The following ECT2 variants were observed in gnomAD, a reference collection of about 807,000 sequenced individuals.
ECT2 encodes epithelial cell transforming 2.
A neutral mutation model predicts 116.9 loss-of-function variants in ECT2; 61 were observed. The observed-to-expected ratio is 0.52, with a 90% CI of 0.42 to 0.65. ECT2 has a LOEUF of 0.65. Among genes scored for constraint, ECT2 ranks in the 30% least tolerant of loss-of-function variants. ECT2 has a pLI of 0.00. For synonymous variants in ECT2, 358 were observed against 346.4 expected, an observed-to-expected ratio of 1.03 and a Z score of -0.37; for missense variants, 937 against 1,078.7, an observed-to-expected ratio of 0.87 and a Z score of 1.84.
Position 172,764,338 on chromosome 3 carries a change from A to T in ECT2, c.1129A>T (p.Asn377Tyr), listed in dbSNP as rs1214120857. ...SMLSLNTPNS[N>Y]RKRRRLKETL... ...GCTTTCTCTAAATACCCCTAACAGC[A>T]ATCGCAAACGACGTCGTTTAAAAGA... The change falls in exon 12 of 25, where the codon AAT becomes TAT. Residue 377 changes from asparagine to tyrosine, a missense_variant. Physicochemically the swap from Asn to Tyr is moderately radical, Grantham distance 143 (BLOSUM62 -2). Coordinates refer to ENST00000392692, the MANE Select transcript of ECT2 (RefSeq NM_001258315.2). The T allele has an allele frequency of 6.2e-7, 1 of 1,614,156 alleles. No homozygotes were observed. Among genetic ancestry groups the T allele is most frequent in the East Asian group, 2.2e-5 (1 of 44,868 alleles).
rs1419154862 is a variant in ECT2, at chr3:172,755,369, T to C, written c.205T>C (p.Leu69=). ...AGKQEELIKA[L]KTIKIMEVPV... ...AAAACAAGAAGAACTTATAAAAGCC[T>C]TAAAGGTACGGAGTTTTAGGTTTTA... The change falls in exon 3 of 25, where the codon TTA becomes CTA. Residue 69 remains leucine, a synonymous_variant. Coordinates refer to ENST00000392692, the MANE Select transcript of ECT2 (RefSeq NM_001258315.2). The C allele has an allele frequency of 6.2e-7, 1 of 1,602,404 alleles. No individual in the cohort carries two copies. Among genetic ancestry groups the C allele is most frequent in the Non-Finnish European group, 8.5e-7 (1 of 1,177,062 alleles).
chr3:172,761,830 G>A (rs559120816), intron 8 of ECT2, 147 bp downstream of exon 8: 1 of 440,620 alleles, frequency 2.3e-6, no homozygotes, highest in Non-Finnish European at 4.0e-6. Flanking sequence ...GGGAGAACAA[G>A]TTATAAAAAA....
chr3:172,754,149 G>T (rs1000025914), intron 1 of ECT2, among the ~76,000 whole-genome samples: 1 of 152,102 alleles, frequency 6.6e-6, no homozygotes, highest in African/African-American at 2.4e-5. Flanking sequence ...TTTTGTGGGA[G>T]GTGTGTTATG....
intron 21 of ECT2, among the ~76,000 whole-genome samples, chr3:172,806,840 A>G (rs898507143): frequency 4.0e-5 from 6 of 151,616 alleles, no homozygotes; most frequent in Non-Finnish European, 5.9e-5. Context: ...ACGGGGTTTC[A>G]CCATGTTGGC....
At chr3:172,762,110 A>G (rs1718422022) in intron 8 of ECT2, among the ~76,000 whole-genome samples, 1 of 151,898 alleles carries the variant, frequency 6.6e-6, no homozygotes, top group Non-Finnish European at 1.5e-5. Context: ...GAAAGTTATC[A>G]TTATTTTAGA....
chr3:172,801,657 TCTC>T, intron 18 of ECT2, among the ~76,000 whole-genome samples: 2 of 152,316 alleles, frequency 1.3e-5, no homozygotes, highest in East Asian at 3.9e-4. Context: ...ATTTGCTTCT[TCTC>T]TTAGGGATAT....
intron 8 of ECT2, among the ~76,000 whole-genome samples, 192 bp downstream of exon 8, chr3:172,761,875 T>G (rs1379198519): frequency 6.6e-6 from 1 of 152,164 alleles, no homozygotes; most frequent in African/African-American, 2.4e-5. Context: ...ATATCTTTGA[T>G]ATCTTTGGAT....
At chr3:172,824,826 A>G (rs778695232), downstream of ECT2, among the ~76,000 whole-genome samples, 1 of 152,180 alleles carries the variant, frequency 6.6e-6, no homozygotes, top group Non-Finnish European at 1.5e-5. Context: ...TACTACCACA[A>G]TGATGTTGCA....
At chr3:172,753,065 T>C (rs1716238185) in intron 1 of ECT2, among the ~76,000 whole-genome samples, 10 of 152,210 alleles carry the variant, frequency 6.6e-5, no homozygotes, top group Admixed American at 6.5e-4. Flanking sequence ...CTCAGTAAAG[T>C]TGACTTATTG....
rs762081406 is a variant in ECT2 at position 172,762,921 on chromosome 3, A to G, written c.1017A>G (p.Gly339=). 1.4e-5 allele frequency: 23 copies of G among 1,613,702 alleles called. No homozygotes were observed. In the South Asian group the frequency reaches 2.5e-4, roughly 18 times the overall value. The change falls in exon 11 of 25, where the codon GGA becomes GGG. Residue 339 remains glycine (G), a synonymous_variant. Transcript: ENST00000392692. ...TTTCTCTCACCTAGTGGTTCTGGGGAAGCATTCAAATGGATGCCCGAGCTG... is the reference window on the plus strand; with the variant it reads ...TTTCTCTCACCTAGTGGTTCTGGGGGAGCATTCAAATGGATGCCCGAGCTG... The part of the protein sequence containing the change: ...LYVVKQEWFW[G]SIQMDARAGE...
chr3:172,779,107 A>C (rs1460011283), intron 14 of ECT2, among the ~76,000 whole-genome samples: 1 of 152,212 alleles, frequency 6.6e-6, no homozygotes. Flanking sequence ...TCTATGATGT[A>C]GGAATAATTA....
At chr3:172,752,641 T>C (rs1040235929) in intron 1 of ECT2, among the ~76,000 whole-genome samples, 4 of 152,232 alleles carry the variant, frequency 2.6e-5, no homozygotes, top group Non-Finnish European at 5.9e-5. Context: ...GTTACAACTA[T>C]TGGACCGCTC....
intron 1 of ECT2, among the ~76,000 whole-genome samples, chr3:172,753,169 A>T (rs1716268726): frequency 6.6e-6 from 1 of 152,182 alleles, no homozygotes; most frequent in South Asian, 2.1e-4. Context: ...GTGGGATCAC[A>T]GCTCACTACA....
chr3:172,819,057 G>T (rs1282947077), intron 24 of ECT2, among the ~76,000 whole-genome samples: 1 of 151,914 alleles, frequency 6.6e-6, no homozygotes, highest in East Asian at 1.9e-4. Context: ...CATGAGTAGT[G>T]GATTTATATT....
chr3:172,806,065 T>G (rs1727630339), intron 21 of ECT2, 196 bp downstream of exon 21: 1 of 531,944 alleles, frequency 1.9e-6, no homozygotes, highest in Admixed American at 3.2e-5. Flanking sequence ...TTTTCTCAAA[T>G]GAAAGTACTA....
chr3:172,819,811 A>C (rs560814808), intron 24 of ECT2, among the ~76,000 whole-genome samples: 2 of 151,996 alleles, frequency 1.3e-5, no homozygotes, highest in South Asian at 4.1e-4. Flanking sequence ...CCAATTTATA[A>C]TTTTTTCTTT....
chr3:172,815,975 G>A (rs1729631597), intron 23 of ECT2, among the ~76,000 whole-genome samples: 1 of 152,094 alleles, frequency 6.6e-6, no homozygotes, highest in Non-Finnish European at 1.5e-5. Flanking sequence ...TGGTGTTTTA[G>A]ATTTAAATAT....
intron 18 of ECT2, among the ~76,000 whole-genome samples, chr3:172,788,454 C>T (rs1203572401): frequency 6.6e-6 from 1 of 152,178 alleles, no homozygotes; most frequent in South Asian, 2.1e-4. Flanking sequence ...TCACCACAAT[C>T]AAGATGAAGA....
chr3:172,755,229 C>G, intron 2 of ECT2, 66 bp from the exon 3 acceptor site: 2 of 1,245,610 alleles, frequency 1.6e-6, no homozygotes, highest in Non-Finnish European at 2.2e-6. Flanking sequence ...GCCAAAAGAG[C>G]GATAAGGACC....
Sources: allele counts gnomAD v4.1 joint callset (sites outside exome capture counted in the v4.1 genomes callset), GRCh38; gene constraint gnomAD v4.1.1; transcripts MANE v1.5; gene names NCBI Gene and HGNC (gene_info 2026-07-23, HGNC 2026-07-21).